IAH1: variants seen among roughly 807,000 people sequenced by gnomAD.
The protein encoded by IAH1 is isoamyl acetate-hydrolyzing esterase 1 homolog.
A neutral mutation model predicts 26.7 loss-of-function variants in IAH1; 24 were observed. That is an observed-to-expected ratio of 0.90 (90% confidence interval 0.65 to 1.26). IAH1 has a LOEUF of 1.26. Among genes scored for constraint, IAH1 ranks in the 50% most tolerant of loss-of-function variants. The probability of loss-of-function intolerance (pLI) is 0.00; values close to 1 mark genes in which losing one functional copy is unlikely to be tolerated. For synonymous variants in IAH1, 140 were observed against 118.5 expected, an observed-to-expected ratio of 1.18 and a Z score of -1.18; for missense variants, 300 against 299.9, an observed-to-expected ratio of 1.00 and a Z score of 0.00.
chr2:9,487,821 T>TGC (rs1661645612), intron 5 of IAH1, among the ~76,000 whole-genome samples: 46 of 92,314 alleles, frequency 5.0e-4, no homozygotes, highest in African/African-American at 1.4e-3. Context: ...TGTGTGTGTG[T>TGC]GTGTGTGTGT....
chr2:9,500,073 G>A (rs750882382), downstream of IAH1, among the ~76,000 whole-genome samples: 19 of 117,822 alleles, frequency 1.6e-4, no homozygotes, highest in Non-Finnish European at 2.6e-4. Context: ...CAAAGGAACT[G>A]TCCACACAAA....
downstream of IAH1, chr2:9,494,504 C>T (rs565120927): frequency 1.4e-5 from 14 of 1,021,912 alleles, no homozygotes; most frequent in South Asian, 6.5e-5. Context: ...AAGTAATACC[C>T]GTAGATAACA....
At chr2:9,500,425 T>C (rs1383793286), downstream of IAH1, among the ~76,000 whole-genome samples, 1 of 152,210 alleles carries the variant, frequency 6.6e-6, no homozygotes, top group East Asian at 1.9e-4. Flanking sequence ...TGGAGGATCA[T>C]AGCTAAAGGA....
rs1444087332 is a variant in IAH1, at chr2:9,481,412, G to A, written c.410G>A (p.Cys137Tyr). Residue 137 changes from cysteine to tyrosine, a missense_variant, in exon 4 of 6, where the codon TGT becomes TAT. Physicochemically the swap from Cys to Tyr is radical, Grantham distance 194. Transcript: ENST00000497473. Reference protein sequence around the residue: ...RVILITPTPLCETAWEEQCII... With the variant: ...RVILITPTPLYETAWEEQCII... ...ATTCTCATCACGCCGACCCCACTTTGTGAAACAGCCTGGGAAGAACAGTGC... is the reference window on the plus strand; with the variant it reads ...ATTCTCATCACGCCGACCCCACTTTATGAAACAGCCTGGGAAGAACAGTGC... 6.2e-7 allele frequency: 1 copy of A among 1,614,030 alleles called. No individual in the cohort carries two copies. Among genetic ancestry groups the A allele is most frequent in the Non-Finnish European group, 8.5e-7 (1 of 1,180,036 alleles).
Position 9,489,088 on chromosome 2 carries a change from C to T in IAH1, c.*759C>T, listed in dbSNP as rs146246797. On this transcript the variant is annotated 3_prime_UTR_variant, in exon 6 of 6. Coordinates refer to ENST00000497473, the MANE Select transcript of IAH1 (RefSeq NM_001039613.3). ...AAGTATCAAGTCTTGTGGGGACAGC[C>T]CCCAACCCTAAGGGCAGGTAGTATT... is the stretch of plus-strand genomic sequence containing the variant. 8.5e-5 allele frequency: 13 copies of T among 152,142 alleles called. No homozygotes were observed. Among genetic ancestry groups the T allele is most frequent in the African/African-American group, 3.1e-4 (13 of 41,482 alleles). The allele number at this position is 152,142 out of a possible 1,614,324, so 9.4% of individuals were successfully genotyped here.
chr2:9,502,647 T>C, the IAH1 span, among the ~76,000 whole-genome samples: 7 of 151,730 alleles, frequency 4.6e-5, no homozygotes, highest in Admixed American at 6.6e-5. Context: ...GAGGCCGAGG[T>C]GGGTGGATCA....
chr2:9,477,556 A>G (rs2124899412), intron 2 of IAH1, among the ~76,000 whole-genome samples: 1 of 152,262 alleles, frequency 6.6e-6, no homozygotes, highest in South Asian at 2.1e-4. Flanking sequence ...GCCTGATGCG[A>G]ATCCTTAACT....
At chr2:9,484,289 A>G in intron 4 of IAH1, 143 bp from the exon 5 acceptor site, 1 of 686,378 alleles carries the variant, frequency 1.5e-6, no homozygotes, top group Non-Finnish European at 2.6e-6. Flanking sequence ...GCTCATCAAC[A>G]TATACCCTAA....
downstream of IAH1, among the ~76,000 whole-genome samples, chr2:9,493,402 A>C (rs75459503): frequency 6.6e-6 from 1 of 152,158 alleles, no homozygotes; most frequent in Non-Finnish European, 1.5e-5. Context: ...AGCAGGATTC[A>C]GTATATAGCA....
downstream of IAH1, chr2:9,493,125 G>A: frequency 1.5e-6 from 1 of 664,472 alleles, no homozygotes; most frequent in Non-Finnish European, 2.5e-6. Flanking sequence ...TGTCTGTGCT[G>A]CCTGTATTAC....
At chr2:9,475,462 T>G (rs1156917231) in intron 1 of IAH1, among the ~76,000 whole-genome samples, 2 of 152,194 alleles carry the variant, frequency 1.3e-5, no homozygotes. Context: ...TTTGACTTTA[T>G]TTCCTGAACT....
At chr2:9,479,738 C>T (rs1187514827) in intron 3 of IAH1, among the ~76,000 whole-genome samples, 2 of 146,816 alleles carry the variant, frequency 1.4e-5, no homozygotes, top group African/African-American at 5.0e-5. Context: ...AGAAATTCAA[C>T]CTAAGGAAAT....
rs201528385 is a variant in IAH1, at chr2:9,477,676, T to TC, written c.135-546_135-545insC. 2.1e-3 allele frequency among the ~76,000 whole-genome samples: 318 copies of TC among 152,074 alleles called. 1 individual carries two copies. Among genetic ancestry groups the TC allele is most frequent in the African/African-American group, 7.2e-3 (298 of 41,446 alleles). ...CCAGGCAACCCGGCTTTTTTTTTTT[T>TC]TTCCCCCATTACACCTACAGTACTG... On this transcript the variant is annotated intron_variant, in intron 2 of 5. Transcript: ENST00000497473.
At chr2:9,505,422 T>C in the IAH1 span, 6 of 1,519,126 alleles carry the variant, frequency 3.9e-6, no homozygotes, top group South Asian at 6.8e-5. Context: ...TGTATTCCCA[T>C]GCAATGTTTG....
At chr2:9,493,107 G>A (rs546209234), downstream of IAH1, 10 of 756,210 alleles carry the variant, frequency 1.3e-5, no homozygotes, top group Non-Finnish European at 2.1e-5. Context: ...ATACTACCGA[G>A]AGCAGAATGT....
At chr2:9,489,903 G>C, downstream of IAH1, 1 of 366,278 alleles carries the variant, frequency 2.7e-6, no homozygotes, top group Non-Finnish European at 4.9e-6. Context: ...ACCCAATCCA[G>C]CTGTATTTTC....
rs752586562 is a variant in IAH1 at position 9,481,314 on chromosome 2, G to A, written c.312G>A (p.Leu104=). The change falls in exon 4 of 6, where the codon CTG becomes CTA. Residue 104 remains leucine, a synonymous_variant. Coordinates refer to ENST00000497473, the MANE Select transcript of IAH1 (RefSeq NM_001039613.3). ...KDENPKQHIP[L]EEYAANLKSM... ...AGAATCCCAAGCAGCACATTCCCCT[G>A]GAGGAGTACGCTGCGAACCTAAAGA... 2 of 1,614,174 alleles carry A rather than the reference G, an allele frequency of 1.2e-6. No homozygotes were observed. The highest frequency in any genetic ancestry group is 2.2e-5 in the South Asian group (2 of 91,084).
the IAH1 span, among the ~76,000 whole-genome samples, chr2:9,507,508 C>G: frequency 6.6e-6 from 1 of 151,988 alleles, no homozygotes; most frequent in Admixed American, 6.6e-5. Flanking sequence ...CTCAAAAAAT[C>G]ATAATAAATA....
At position 9,478,199 on chromosome 2, in the gene IAH1, CTTT is replaced by C; in HGVS notation, c.135-20_135-18del. On this transcript the variant is annotated intron_variant, in intron 2 of 5. Coordinates refer to ENST00000497473, the MANE Select transcript of IAH1 (RefSeq NM_001039613.3). ...TAAACACTTCTTGCCCACAATTCAT[CTTT>C]TTAAAATTTTTCGTTTCAGAAAATG... 6.3e-7 allele frequency: 1 copy of C among 1,588,762 alleles called. No homozygotes were observed.
Sources: gnomAD v4.1 joint callset for allele counts (sites outside exome capture counted in the v4.1 genomes callset) on GRCh38, gnomAD v4.1.1 for gene constraint, MANE v1.5 for transcripts, NCBI Gene and HGNC (gene_info 2026-07-23, HGNC 2026-07-21) for gene names.